Variants in ACTN4 observed in about 807,000 individuals in gnomAD.
ACTN4 encodes the protein alpha-actinin-4.
A neutral mutation model predicts 114.2 loss-of-function variants in ACTN4; 18 were observed. That is an observed-to-expected ratio of 0.16 (90% CI 0.11 to 0.23). The LOEUF is 0.23. Among genes scored for constraint, ACTN4 ranks in the 10% least tolerant of loss-of-function variants. ACTN4 has a pLI of 1.00. For missense variants in ACTN4, 722 were observed against 1,262.9 expected (o/e 0.57, Z 6.49); for synonymous variants, 515 against 506.3 (o/e 1.02, Z -0.23).
At chr19:38,721,811 A>G (rs773566713) in intron 12 of ACTN4, 123 bp downstream of exon 12, 42 of 1,399,216 alleles carry the variant, frequency 3.0e-5, no homozygotes, top group Admixed American at 3.8e-5. Context: ...CAGTGCCCCA[A>G]CTGCACCTCC....
Position 38,731,258 on chromosome 19 carries a change from C to T in ACTN4, c.*1826C>T, listed in dbSNP as rs778587766. 2 of 1,562,328 alleles carry T rather than the reference C, an allele frequency of 1.3e-6. No homozygotes were observed. Among genetic ancestry groups the T allele is most frequent in the Non-Finnish European group, 8.8e-7 (1 of 1,136,270 alleles). ...GGCTGCTTCTGAGCCCAGTGGCCCACAGGGAACCCACCTTGGCATTGCATC... is the reference window on the plus strand; with the variant it reads ...GGCTGCTTCTGAGCCCAGTGGCCCATAGGGAACCCACCTTGGCATTGCATC... On this transcript the variant is annotated 3_prime_UTR_variant, in exon 21 of 21. Transcript: ENST00000252699.
chr19:38,673,635 A>G (rs1967247901), intron 1 of ACTN4, among the ~76,000 whole-genome samples: 1 of 47,880 alleles, frequency 2.1e-5, no homozygotes, highest in Non-Finnish European at 4.6e-5. Context: ...ATTCATATAT[A>G]TTTATATATA....
intron 5 of ACTN4, among the ~76,000 whole-genome samples, chr19:38,706,465 G>A (rs1339325714): frequency 1.3e-5 from 2 of 152,234 alleles, no homozygotes; most frequent in East Asian, 1.9e-4. Context: ...CACCCAGACT[G>A]GAGGGCAGTG....
chr19:38,725,640 C>G (rs570730444), intron 16 of ACTN4, 84 bp from the exon 17 acceptor site: 41 of 1,506,782 alleles, frequency 2.7e-5, no homozygotes, highest in Admixed American at 2.5e-4. Flanking sequence ...AAGATGCAGG[C>G]CAGCAGCGCG....
At chr19:38,656,787 C>A (rs967656259) in intron 1 of ACTN4, among the ~76,000 whole-genome samples, 7 of 152,134 alleles carry the variant, frequency 4.6e-5, no homozygotes, top group African/African-American at 7.2e-5. Flanking sequence ...GTTTCCCCCC[C>A]AAAGGTGTGG....
Position 38,704,988 on chromosome 19 carries a change from T to C in ACTN4, c.452T>C (p.Leu151Pro), listed in dbSNP as rs1968408649. The C allele has an allele frequency of 6.2e-7, 1 of 1,614,104 alleles. No homozygotes were observed. Among genetic ancestry groups the C allele is most frequent in the African/African-American group, 1.3e-5 (1 of 74,932 alleles). ...CTGGGAATGATCTGGACCATCATCC[T>C]TAGGTTCGCCATCCAGGACATCTCC... is the stretch of plus-strand genomic sequence containing the variant. ...MTLGMIWTII[L>P]RFAIQDISVE... The change falls in exon 4 of 21, where the codon CTT becomes CCT. Residue 151 changes from leucine to proline, a missense_variant. Coordinates refer to ENST00000252699, the MANE Select transcript of ACTN4 (RefSeq NM_004924.6).
chr19:38,700,562 G>A, intron 1 of ACTN4, 38 bp from the exon 2 acceptor site: 1 of 1,565,212 alleles, frequency 6.4e-7, no homozygotes, highest in African/African-American at 1.4e-5. Context: ...CGACAGCCAG[G>A]CTGACTCTGC....
chr19:38,709,442 A>G lies in ACTN4; in HGVS notation c.699A>G (p.Lys233=), dbSNP rs963855862. ...ACAATGCCTTCGAAGTGGCTGAGAA[A>G]TACCTCGACATCCCCAAGATGCTGG... The part of the protein sequence containing the change: ...NLNNAFEVAE[K]YLDIPKMLDA... The change falls in exon 7 of 21, where the codon AAA becomes AAG. Residue 233 remains lysine (K), a synonymous_variant. Coordinates refer to ENST00000252699, the MANE Select transcript of ACTN4 (RefSeq NM_004924.6). The G allele has an allele frequency of 4.3e-6, 7 of 1,614,058 alleles. No homozygotes were observed. Among genetic ancestry groups the G allele is most frequent in the Non-Finnish European group, 5.9e-6 (7 of 1,180,026 alleles).
At chr19:38,688,684 A>C (rs950674960) in intron 1 of ACTN4, among the ~76,000 whole-genome samples, 1 of 151,520 alleles carries the variant, frequency 6.6e-6, no homozygotes, top group Non-Finnish European at 1.5e-5. Flanking sequence ...CTATGATGAC[A>C]CCACTGTACT....
At chr19:38,670,364 T>G (rs1309618295) in intron 1 of ACTN4, among the ~76,000 whole-genome samples, 1 of 152,180 alleles carries the variant, frequency 6.6e-6, no homozygotes, top group Non-Finnish European at 1.5e-5. Context: ...CCGGCCTGTA[T>G]CTTGTTGCTC....
At chr19:38,656,140 G>C (rs55876653) in intron 1 of ACTN4, among the ~76,000 whole-genome samples, 54,505 of 151,946 alleles carry the variant, frequency 0.36, 11,633 homozygotes, top group Non-Finnish European at 0.47. Context: ...TTGAGACAGG[G>C]TGTCACTCTT....
chr19:38,661,514 A>G (rs1976885509), intron 1 of ACTN4, among the ~76,000 whole-genome samples: 1 of 152,178 alleles, frequency 6.6e-6, no homozygotes, highest in African/African-American at 2.4e-5. Flanking sequence ...TCAAGAGGCC[A>G]TTTCTACCTG....
At position 38,717,900 on chromosome 19, in the gene ACTN4, G is replaced by A; in HGVS notation, c.1144-27G>A. On this transcript the variant is annotated intron_variant, in intron 10 of 20. Transcript: ENST00000252699. This position sits in a 1 kb window ranked among gnomAD's most constrained non-coding sequence, Gnocchi z 4.0. ...TGGGTGCCTCCACTTCCTTGTGATAGCCCTGCCTGCTCCTGCCCTGCCCCA... is the reference window on the plus strand; with the variant it reads ...TGGGTGCCTCCACTTCCTTGTGATAACCCTGCCTGCTCCTGCCCTGCCCCA... 6.4e-7 allele frequency: 1 copy of A among 1,568,830 alleles called. No individual in the cohort carries two copies. Among genetic ancestry groups the A allele is most frequent in the Non-Finnish European group, 8.6e-7 (1 of 1,156,266 alleles).
chr19:38,660,303 T>C (rs1378444084), intron 1 of ACTN4, among the ~76,000 whole-genome samples: 1 of 152,190 alleles, frequency 6.6e-6, no homozygotes, highest in Non-Finnish European at 1.5e-5. Flanking sequence ...TAACTTCAGA[T>C]AGGATTATGT....
intron 1 of ACTN4, among the ~76,000 whole-genome samples, chr19:38,661,044 C>T (rs1474872840): frequency 2.0e-5 from 3 of 152,136 alleles, no homozygotes; most frequent in African/African-American, 4.8e-5. Context: ...GCAAGGGGGC[C>T]CCCGAGGAGC....
Position 38,721,502 on chromosome 19 carries a change from C to T in ACTN4, c.1292-36C>T, listed in dbSNP as rs367565996. On this transcript the variant is annotated intron_variant, in intron 11 of 20. Transcript: ENST00000252699. ...CTCCAGACTCCTGCCCCACAGCTGC[C>T]GTGCTGTGGTCTAAGCGTCTCTCTG... 102 of 1,611,916 alleles carry T rather than the reference C, an allele frequency of 6.3e-5. 1 individual carries two copies. Among genetic ancestry groups the T allele is most frequent in the South Asian group, 4.2e-4 (38 of 91,052 alleles).
At chr19:38,663,789 G>A (rs976114432) in intron 1 of ACTN4, among the ~76,000 whole-genome samples, 2 of 152,194 alleles carry the variant, frequency 1.3e-5, no homozygotes, top group South Asian at 2.1e-4. Context: ...CAGACCTGTC[G>A]TTCTGGGTCC....
intron 1 of ACTN4, among the ~76,000 whole-genome samples, chr19:38,652,654 C>T (rs903671713): frequency 9.2e-5 from 14 of 152,166 alleles, no homozygotes; most frequent in Non-Finnish European, 1.6e-4. Context: ...TAACGGCAGC[C>T]GACTGCTTGG....
intron 1 of ACTN4, among the ~76,000 whole-genome samples, chr19:38,697,724 G>C (rs1485996076): frequency 6.6e-6 from 1 of 152,246 alleles, no homozygotes; most frequent in African/African-American, 2.4e-5. Context: ...CAGAGCACGG[G>C]GCCTTGCCCT....
Sources: allele counts gnomAD v4.1 joint callset (sites outside exome capture counted in the v4.1 genomes callset), GRCh38; gene constraint gnomAD v4.1.1; non-coding constraint Gnocchi (gnomAD v3.1); transcripts MANE v1.5; gene names NCBI Gene and HGNC (gene_info 2026-07-23, HGNC 2026-07-21).